FARS2: variants seen among roughly 807,000 people sequenced by gnomAD.
FARS2 encodes phenylalanyl-tRNA synthetase 2, mitochondrial.
In FARS2, 40 loss-of-function variants were observed where a neutral mutation model predicts 46.4. The observed-to-expected ratio is 0.86, with a 90% CI of 0.67 to 1.12. FARS2 has a LOEUF of 1.12. Among genes scored for constraint, FARS2 ranks in the 50% most tolerant of loss-of-function variants. FARS2 has a pLI of 0.00. For synonymous variants in FARS2, 234 were observed against 214.9 expected, an observed-to-expected ratio of 1.09 and a Z score of -0.78; for missense variants, 513 against 567.9, an observed-to-expected ratio of 0.90 and a Z score of 0.98.
chr6:5,481,169 C>G (rs1766433164), intron 4 of FARS2, among the ~76,000 whole-genome samples: 1 of 152,222 alleles, frequency 6.6e-6, no homozygotes, highest in African/African-American at 2.4e-5. Context: ...ATCTTCTCGT[C>G]TCGGTTCAGA....
At chr6:5,401,997 G>GA (rs1554179941) in intron 2 of FARS2, among the ~76,000 whole-genome samples, 2 of 141,714 alleles carry the variant, frequency 1.4e-5, no homozygotes, top group Non-Finnish European at 3.2e-5. Context: ...CTGCTCCATT[G>GA]TTTTTTTTTC....
intron 4 of FARS2, among the ~76,000 whole-genome samples, chr6:5,438,696 T>G (rs901954643): frequency 3.9e-5 from 6 of 152,172 alleles, no homozygotes; most frequent in Admixed American, 6.5e-5. Flanking sequence ...GTGTTTCAGA[T>G]TTTTGGATTT....
chr6:5,431,250 G>A (rs1763149267), intron 4 of FARS2, 78 bp downstream of exon 4: 2 of 1,440,906 alleles, frequency 1.4e-6, no homozygotes, highest in South Asian at 1.2e-5. Flanking sequence ...TTGCACACTT[G>A]TAGATATTTA....
intron 1 of FARS2, among the ~76,000 whole-genome samples, chr6:5,296,430 T>C (rs554691296): frequency 1.6e-4 from 24 of 152,316 alleles, no homozygotes; most frequent in Admixed American, 7.8e-4. Flanking sequence ...CGTGCGCCAC[T>C]GTGCCTGGCC....
intron 4 of FARS2, among the ~76,000 whole-genome samples, chr6:5,433,832 T>C (rs1457941784): frequency 6.6e-6 from 1 of 152,228 alleles, no homozygotes; most frequent in Non-Finnish European, 1.5e-5. Flanking sequence ...TTGCTTGGAA[T>C]TGCGCTTCCT....
At chr6:5,354,918 G>A (rs962986576) in intron 1 of FARS2, among the ~76,000 whole-genome samples, 1 of 152,130 alleles carries the variant, frequency 6.6e-6, no homozygotes. Flanking sequence ...TTTGGGTCTA[G>A]GGTAGGGCTT....
intron 2 of FARS2, among the ~76,000 whole-genome samples, chr6:5,400,737 A>G (rs1761207933): frequency 6.6e-6 from 1 of 151,742 alleles, no homozygotes. Flanking sequence ...TGCACATTTG[A>G]TCTTATACTA....
At chr6:5,686,449 G>A (rs896838344) in intron 6 of FARS2, among the ~76,000 whole-genome samples, 2 of 151,918 alleles carry the variant, frequency 1.3e-5, no homozygotes, top group Admixed American at 6.6e-5. Flanking sequence ...GAGAACATGT[G>A]GTGTTCGGTT....
intron 5 of FARS2, among the ~76,000 whole-genome samples, chr6:5,557,682 G>A (rs1771744460): frequency 6.6e-6 from 1 of 152,038 alleles, no homozygotes; most frequent in African/African-American, 2.4e-5. Flanking sequence ...GGATGATAGG[G>A]GGTACTGGAA....
At chr6:5,664,009 C>T (rs1202313159) in intron 6 of FARS2, among the ~76,000 whole-genome samples, 1 of 152,160 alleles carries the variant, frequency 6.6e-6, no homozygotes, top group Admixed American at 6.5e-5. Context: ...AGATCTGTGG[C>T]CCCCCTGGCC....
chr6:5,507,275 A>G (rs996536123), intron 4 of FARS2, among the ~76,000 whole-genome samples: 1 of 152,134 alleles, frequency 6.6e-6, no homozygotes, highest in South Asian at 2.1e-4. Flanking sequence ...CACTGGTAAC[A>G]TTTACTTAGG....
intron 3 of FARS2, among the ~76,000 whole-genome samples, chr6:5,406,949 C>G (rs1407043968): frequency 1.3e-5 from 2 of 149,484 alleles, no homozygotes; most frequent in African/African-American, 2.5e-5. Flanking sequence ...AGTGGTATGT[C>G]AAATACACAT....
chr6:5,761,989 A>G (rs990908474), intron 6 of FARS2, among the ~76,000 whole-genome samples: 1 of 152,258 alleles, frequency 6.6e-6, no homozygotes, highest in African/African-American at 2.4e-5. Flanking sequence ...TTGTTTTTCA[A>G]TATAATGTGG....
At chr6:5,254,826 C>T in the FARS2 span, among the ~76,000 whole-genome samples, 4 of 152,222 alleles carry the variant, frequency 2.6e-5, no homozygotes, top group African/African-American at 9.7e-5. Flanking sequence ...TACCACTTTT[C>T]ACCTCTCGTG....
At chr6:5,666,996 C>T (rs1279398760) in intron 6 of FARS2, among the ~76,000 whole-genome samples, 4 of 152,122 alleles carry the variant, frequency 2.6e-5, no homozygotes, top group South Asian at 2.1e-4. Context: ...AATGTTCTCA[C>T]GTACAAGTGG....
intron 6 of FARS2, among the ~76,000 whole-genome samples, chr6:5,704,527 T>TG (rs1379327182): frequency 9.9e-5 from 15 of 152,174 alleles, no homozygotes; most frequent in Non-Finnish European, 2.9e-5. Flanking sequence ...AGAGTATAAT[T>TG]CTCTGCAACT....
At chr6:5,540,867 G>A (rs1036554357) in intron 4 of FARS2, among the ~76,000 whole-genome samples, 1 of 152,218 alleles carries the variant, frequency 6.6e-6, no homozygotes, top group Non-Finnish European at 1.5e-5. Context: ...TACTTTAGGA[G>A]AGGGGCAAGT....
intron 1 of FARS2, among the ~76,000 whole-genome samples, chr6:5,329,485 C>T (rs868774919): frequency 7.2e-5 from 11 of 152,046 alleles, no homozygotes; most frequent in African/African-American, 2.4e-4. Flanking sequence ...TTTATGTCAA[C>T]CAATCATCCA....
chr6:5,517,175 G>A (rs1404883357), intron 4 of FARS2, among the ~76,000 whole-genome samples: 2 of 152,124 alleles, frequency 1.3e-5, no homozygotes, highest in Non-Finnish European at 1.5e-5. Flanking sequence ...AAGAACAAAG[G>A]TGTAAAAAAG....
Sources: allele counts gnomAD v4.1 joint callset (sites outside exome capture counted in the v4.1 genomes callset), GRCh38; gene constraint gnomAD v4.1.1; transcripts MANE v1.5; gene names NCBI Gene and HGNC (gene_info 2026-07-23, HGNC 2026-07-21).